Variants in ANO2 observed in about 807,000 individuals in gnomAD.
The protein encoded by ANO2 is anoctamin 2.
ANO2 carries 101 observed loss-of-function variants against 124.2 expected under a neutral mutation model. That is an observed-to-expected ratio of 0.81 (90% CI 0.69 to 0.96). The LOEUF (loss-of-function observed/expected upper bound fraction) is 0.96, where lower values mean the gene tolerates loss of function less well. ANO2 is among the 40% of genes least tolerant of loss of function. The pLI is 0.00. For missense variants in ANO2, 1,293 were observed against 1,274.5 expected (o/e 1.01, Z -0.22); for synonymous variants, 486 against 482.5 (o/e 1.01, Z -0.09).
intron 3 of ANO2, among the ~76,000 whole-genome samples, chr12:5,917,548 T>C (rs1591789842): frequency 6.6e-6 from 1 of 151,150 alleles, no homozygotes; most frequent in Middle Eastern, 3.4e-3. Flanking sequence ...AGTACTGTTA[T>C]TATTATTCTC....
intron 7 of ANO2, among the ~76,000 whole-genome samples, chr12:5,818,681 C>T (rs1295627617): frequency 2.0e-5 from 3 of 151,504 alleles, no homozygotes; most frequent in Non-Finnish European, 4.4e-5. Context: ...AAGGACTCTA[C>T]TTCTAATAGT....
At chr12:5,721,507 T>TTG (rs1555146205) in intron 14 of ANO2, among the ~76,000 whole-genome samples, 77 of 142,026 alleles carry the variant, frequency 5.4e-4, no homozygotes, top group African/African-American at 1.8e-3. Flanking sequence ...GGGTTTTTTT[T>TTG]TTTTGTTTTT....
At position 5,832,494 on chromosome 12, in the gene ANO2, A is replaced by C; in HGVS notation, c.743T>G (p.Met248Arg). 1 of 1,613,858 alleles carries C rather than the reference A, an allele frequency of 6.2e-7. No homozygotes were observed. Among genetic ancestry groups the C allele is most frequent in the Non-Finnish European group, 8.5e-7 (1 of 1,179,852 alleles). Residue 248 changes from methionine (M) to arginine (R), a missense_variant, in exon 5 of 25, where the codon ATG becomes AGG. Physicochemically the swap from Met to Arg is moderately conservative, Grantham distance 91. Transcript: ENST00000682330. ...PRVPEHSNNK[M>R]KNLSYPFSRE... ...GGAGAATGGGTAGGAGAGGTTTTTCATCTTGTTGTTGCTGTGTTCTGGAAC... is the reference window on the plus strand; with the variant it reads ...GGAGAATGGGTAGGAGAGGTTTTTCCTCTTGTTGTTGCTGTGTTCTGGAAC...
rs202136193 is a variant in ANO2, at chr12:5,832,598, G to A, written c.639C>T (p.Tyr213=). Residue 213 remains tyrosine (Y), a synonymous_variant, in exon 5 of 25, where the codon TAC becomes TAT. Coordinates refer to ENST00000682330, the MANE Select transcript of ANO2 (RefSeq NM_001364791.2). ...LKIKVPTKKM[Y]EIKAGGSIAK... ...CAATGCTGCCTCCTGCTTTGATCTC[G>A]TACATCTATGAAAGGAAGAGCCACA... 1.6e-5 allele frequency: 25 copies of A among 1,611,618 alleles called. No individual in the cohort carries two copies. The highest frequency in any genetic ancestry group is 9.4e-5 in the African/African-American group (7 of 74,866).
intron 19 of ANO2, among the ~76,000 whole-genome samples, chr12:5,600,775 T>G (rs1385425838): frequency 6.6e-6 from 1 of 152,144 alleles, no homozygotes; most frequent in African/African-American, 2.4e-5. Flanking sequence ...ATCAAAGACT[T>G]GAAGTGTTTA....
intron 4 of ANO2, chr12:5,851,813 A>G: frequency 1.5e-6 from 1 of 670,832 alleles, no homozygotes; most frequent in Non-Finnish European, 2.7e-6. Flanking sequence ...GAATGAGAGT[A>G]GAAAGACGGG....
intron 16 of ANO2, among the ~76,000 whole-genome samples, chr12:5,622,194 C>T (rs971884214): frequency 6.6e-6 from 1 of 152,304 alleles, no homozygotes; most frequent in East Asian, 1.9e-4. Flanking sequence ...CCCCTTTGAA[C>T]TGTGTGTCCT....
At chr12:5,623,172 T>C (rs1428953441) in intron 16 of ANO2, among the ~76,000 whole-genome samples, 1 of 150,750 alleles carries the variant, frequency 6.6e-6, no homozygotes, top group African/African-American at 2.5e-5. Context: ...TGGTCCAGCC[T>C]TGTGCTTTGA....
At position 5,635,656 on chromosome 12, in the gene ANO2, G is replaced by A. The variant is rs531119751; in HGVS notation, c.1621-309C>T. ...TAAGGATGAACATGCTGGACCCTGT[G>A]GAGTGTTCAACACACATGACGCAAT... On this transcript the variant is annotated intron_variant, in intron 15 of 24. Transcript: ENST00000682330. The surrounding 1 kb of genome is among the most constrained non-coding windows in gnomAD (Gnocchi z 5.2). 2.0e-5 allele frequency among the ~76,000 whole-genome samples: 3 copies of A among 151,162 alleles called. No individual in the cohort carries two copies. The South Asian group carries it at 6.3e-4, about 32-fold the overall frequency.
At chr12:5,627,229 G>A (rs540634927) in intron 16 of ANO2, among the ~76,000 whole-genome samples, 2 of 152,212 alleles carry the variant, frequency 1.3e-5, no homozygotes, top group African/African-American at 4.8e-5. Context: ...CAACATCATG[G>A]AGGGGGTCCC....
intron 3 of ANO2, among the ~76,000 whole-genome samples, chr12:5,919,050 T>C (rs1192120181): frequency 6.6e-6 from 1 of 152,196 alleles, no homozygotes. Flanking sequence ...AAACAAGATC[T>C]CTGCCTTCAT....
In ANO2 at chr12:5,566,368, T is replaced by C. The variant is rs528122142; in HGVS notation, c.2622-705A>G. Among the ~76,000 whole-genome samples, 8 of 152,292 alleles carry C rather than the reference T, an allele frequency of 5.3e-5. No individual in the cohort carries two copies. In the South Asian group the frequency reaches 1.7e-3, roughly 32 times the overall value. ...ATTTCATGCCTCTTTCTCAGACCCA[T>C]AGAGAAGCCTTGGGTTTTCCCTCAC... On this transcript the variant is annotated intron_variant, in intron 23 of 24. Coordinates refer to ENST00000682330, the MANE Select transcript of ANO2 (RefSeq NM_001364791.2).
At chr12:5,942,080 T>C (rs1254498098) in intron 1 of ANO2, among the ~76,000 whole-genome samples, 1 of 152,006 alleles carries the variant, frequency 6.6e-6, no homozygotes, top group Non-Finnish European at 1.5e-5. Flanking sequence ...TCCTAAGAAC[T>C]TCCTGATGGA....
At chr12:5,909,116 A>C (rs1356536383) in intron 3 of ANO2, among the ~76,000 whole-genome samples, 1 of 152,226 alleles carries the variant, frequency 6.6e-6, no homozygotes, top group Non-Finnish European at 1.5e-5. Context: ...ACGTACCAGC[A>C]TGCTTAATTC....
chr12:5,734,441 C>T (rs1250800536), intron 13 of ANO2, among the ~76,000 whole-genome samples: 1 of 152,180 alleles, frequency 6.6e-6, no homozygotes, highest in Non-Finnish European at 1.5e-5. Flanking sequence ...CTCTTCAAGC[C>T]AGAGGAGCCT....
intron 16 of ANO2, among the ~76,000 whole-genome samples, chr12:5,623,075 A>G (rs1462335464): frequency 1.3e-5 from 2 of 152,090 alleles, no homozygotes; most frequent in Non-Finnish European, 2.9e-5. Context: ...GAGGTTCAGG[A>G]AGGGCTGTCT....
intron 1 of ANO2, among the ~76,000 whole-genome samples, chr12:5,935,427 T>A (rs893095799): frequency 6.6e-6 from 1 of 152,362 alleles, no homozygotes; most frequent in Admixed American, 6.5e-5. Context: ...TGACTGGAGA[T>A]AGCATAATAA....
intron 16 of ANO2, among the ~76,000 whole-genome samples, chr12:5,620,428 C>T (rs964495421): frequency 6.6e-6 from 1 of 152,136 alleles, no homozygotes; most frequent in African/African-American, 2.4e-5. Context: ...GAGCATTGCC[C>T]GCTAGGGAAT....
At chr12:5,671,997 G>A (rs1034630320) in intron 14 of ANO2, among the ~76,000 whole-genome samples, 8 of 152,114 alleles carry the variant, frequency 5.3e-5, no homozygotes, top group South Asian at 4.1e-4. Flanking sequence ...GGTGTCACAC[G>A]CCACATCCAC....
Sources: gnomAD v4.1 joint callset for allele counts (sites outside exome capture counted in the v4.1 genomes callset) on GRCh38, gnomAD v4.1.1 for gene constraint, Gnocchi (gnomAD v3.1) non-coding constraint, MANE v1.5 for transcripts, NCBI Gene and HGNC (gene_info 2026-07-23, HGNC 2026-07-21) for gene names.